Variants in KCNC1 observed in about 807,000 individuals in gnomAD.
KCNC1 encodes the protein voltage-gated potassium channel KCNC1.
A neutral mutation model predicts 43.4 loss-of-function variants in KCNC1; 8 were observed. That is an observed-to-expected ratio of 0.18 (90% CI 0.11 to 0.33). The LOEUF is 0.33. Ranked by LOEUF, KCNC1 falls within the 10% of genes least tolerant of loss-of-function variation. KCNC1 has a pLI of 1.00. For synonymous variants in KCNC1, 361 were observed against 360.5 expected (o/e 1.00, Z -0.01); for missense variants, 420 against 836.0 (o/e 0.50, Z 6.14).
intron 1 of KCNC1, among the ~76,000 whole-genome samples, chr11:17,756,520 AACACAC>A (rs3051818): frequency 0.064 from 9,234 of 143,912 alleles, 386 homozygotes; most frequent in Admixed American, 0.11. Context: ...CTTCCCTCCA[AACACAC>A]ACACACACAC....
At chr11:17,761,023 C>T (rs146755671) in intron 1 of KCNC1, among the ~76,000 whole-genome samples, 3 of 152,342 alleles carry the variant, frequency 2.0e-5, no homozygotes, top group Admixed American at 6.5e-5. Flanking sequence ...TGTCCTTTCC[C>T]TCCCGACACC....
rs1848848393 is a variant in KCNC1, at chr11:17,742,001, C to CCTTGTTTG, written c.570+5429_570+5430insCTTGTTTG. On this transcript the variant is annotated intron_variant, in intron 1 of 3. Transcript: ENST00000265969. The surrounding 1 kb of genome is among the most constrained non-coding windows in gnomAD (Gnocchi z 4.2). Reference sequence around the variant, plus strand: ...TGATTTCTAATAAAATGTTCATTAGCAGCCTTGTTTGATTTGGGCTCATCT... The same window carrying CCTTGTTTG: ...TGATTTCTAATAAAATGTTCATTAGCCTTGTTTGAGCCTTGTTTGATTTGGGCTCATCT... 6.6e-6 allele frequency among the ~76,000 whole-genome samples: 1 copy of CCTTGTTTG among 152,216 alleles called. No individual in the cohort carries two copies. Among genetic ancestry groups the CCTTGTTTG allele is most frequent in the African/African-American group, 2.4e-5 (1 of 41,448 alleles).
chr11:17,777,878 C>T lies in KCNC1; in HGVS notation c.1505-1578C>T. On this transcript the variant is annotated intron_variant, in intron 2 of 3. Coordinates refer to ENST00000265969, the MANE Select transcript of KCNC1 (RefSeq NM_001112741.2). The surrounding 1 kb of genome is among the most constrained non-coding windows in gnomAD (Gnocchi z 4.3). Reference sequence around the variant, plus strand: ...ATGATGTGTACACGGGCGGTAATCCCACCCACGTGCACGCCCAGCGTGTGC... The same window carrying T: ...ATGATGTGTACACGGGCGGTAATCCTACCCACGTGCACGCCCAGCGTGTGC... 2.0e-6 allele frequency: 2 copies of T among 985,170 alleles called. No homozygotes were observed. Among genetic ancestry groups the T allele is most frequent in the Non-Finnish European group, 2.4e-6 (2 of 829,054 alleles). The allele number at this position is 985,170 out of a possible 1,614,324, so 61.0% of individuals were successfully genotyped here.
chr11:17,773,487 G>A lies in KCNC1; in HGVS notation c.1504+889G>A, dbSNP rs561572155. The A allele has an allele frequency of 1.6e-5, 16 of 984,714 alleles. No individual in the cohort carries two copies. Among genetic ancestry groups the A allele is most frequent in the African/African-American group, 1.4e-4 (8 of 57,068 alleles). 61.0% of individuals were successfully genotyped at this position (984,714 alleles called of 1,614,324 possible). A position where few individuals can be genotyped will look rare whatever the true frequency, so the allele number is the denominator to read the frequency against. On this transcript the variant is annotated intron_variant, in intron 2 of 3. Coordinates refer to ENST00000265969, the MANE Select transcript of KCNC1 (RefSeq NM_001112741.2). This position sits in a 1 kb window ranked among gnomAD's most constrained non-coding sequence, Gnocchi z 4.1. ...ACCGAGGGTTCTCCCCGTTTCCAGC[G>A]GTAGGGACTGCAGCAGCAATATAGA...
Position 17,779,527 on chromosome 11 carries a change from C to A in KCNC1, c.1576C>A (p.Leu526Ile). 1 of 1,551,520 alleles carries A rather than the reference C, an allele frequency of 6.4e-7. No individual in the cohort carries two copies. Among genetic ancestry groups the A allele is most frequent in the Non-Finnish European group, 8.7e-7 (1 of 1,146,964 alleles). The part of the protein sequence containing the change: ...NEDCPHIDQA[L>I]TPDEGLPFTR... The stretch of plus-strand genomic sequence containing the variant: ...AGACTGCCCCCACATAGACCAGGCC[C>A]TCACTCCCGATGAGGGCCTGCCCTT... Residue 526 changes from leucine to isoleucine, a missense_variant, in exon 3 of 4, where the codon CTC (leucine) becomes ATC (isoleucine). By Grantham distance (5) the Leu-to-Ile change is conservative. This residue lies in a region of KCNC1 where 147 missense variants were observed against 176.1 expected (regional missense o/e 0.83). Coordinates refer to ENST00000265969, the MANE Select transcript of KCNC1 (RefSeq NM_001112741.2). This position sits in a 1 kb window ranked among gnomAD's most constrained non-coding sequence, Gnocchi z 7.2.
chr11:17,749,321 A>G (rs1012382323), intron 1 of KCNC1, among the ~76,000 whole-genome samples: 11 of 152,244 alleles, frequency 7.2e-5, no homozygotes, highest in African/African-American at 1.9e-4. Context: ...CAGATAAGGC[A>G]TCTTTGTGGG....
At chr11:17,753,745 G>A (rs899221813) in intron 1 of KCNC1, among the ~76,000 whole-genome samples, 4 of 152,218 alleles carry the variant, frequency 2.6e-5, no homozygotes, top group Non-Finnish European at 5.9e-5. Flanking sequence ...CACACAGCCT[G>A]AGTCTCTCCT....
At position 17,773,405 on chromosome 11, in the gene KCNC1, G is replaced by A. The variant is rs1362989953; in HGVS notation, c.1504+807G>A. ...GCGGCTGCCGAGCAAAAGACTAGAG[G>A]GGGCCACCACCCTGGGCAGCTTAGA... On this transcript the variant is annotated intron_variant, in intron 2 of 3. Coordinates refer to ENST00000265969, the MANE Select transcript of KCNC1 (RefSeq NM_001112741.2). The surrounding 1 kb of genome is among the most constrained non-coding windows in gnomAD (Gnocchi z 4.1). 1 of 985,242 alleles carries A rather than the reference G, an allele frequency of 1.0e-6. No individual in the cohort carries two copies. Among genetic ancestry groups the A allele is most frequent in the Non-Finnish European group, 1.2e-6 (1 of 829,958 alleles). The allele number at this position is 985,242 out of a possible 1,614,324, so 61.0% of individuals were successfully genotyped here.
intron 1 of KCNC1, among the ~76,000 whole-genome samples, chr11:17,744,771 G>C (rs750471966): frequency 6.6e-6 from 1 of 152,058 alleles, no homozygotes; most frequent in African/African-American, 2.4e-5. Flanking sequence ...GGGTGTTTGC[G>C]ATGGCTGCTA....
At chr11:17,744,611 G>C (rs571974322) in intron 1 of KCNC1, among the ~76,000 whole-genome samples, 16 of 152,284 alleles carry the variant, frequency 1.1e-4, no homozygotes, top group African/African-American at 3.6e-4. Flanking sequence ...CCTGCCCTTA[G>C]GGAGCTGCAG....
At chr11:17,755,959 G>C (rs201182727) in intron 1 of KCNC1, among the ~76,000 whole-genome samples, 2 of 152,304 alleles carry the variant, frequency 1.3e-5, no homozygotes, top group East Asian at 3.9e-4. Flanking sequence ...GGGGAGAAGA[G>C]TTGGCAAAGG....
chr11:17,745,961 T>C (rs1007166272), intron 1 of KCNC1, among the ~76,000 whole-genome samples: 3 of 152,236 alleles, frequency 2.0e-5, no homozygotes, highest in Admixed American at 1.3e-4. Context: ...GTACAGTCCA[T>C]GAGGGCAGGG....
intron 1 of KCNC1, among the ~76,000 whole-genome samples, chr11:17,744,452 T>C (rs1425314625): frequency 1.3e-5 from 2 of 152,202 alleles, no homozygotes; most frequent in Non-Finnish European, 2.9e-5. Context: ...CACTCATTCA[T>C]TCAAGGCATA....
intron 1 of KCNC1, among the ~76,000 whole-genome samples, chr11:17,752,538 T>C (rs1325104329): frequency 6.6e-6 from 1 of 152,256 alleles, no homozygotes. Context: ...ACTCATGGCC[T>C]TGCACACACA....
chr11:17,743,669 G>T (rs1848866259), intron 1 of KCNC1, among the ~76,000 whole-genome samples: 1 of 152,204 alleles, frequency 6.6e-6, no homozygotes, highest in Admixed American at 6.5e-5. Context: ...CCCTCAGCTC[G>T]GCACTCCAAG....
chr11:17,745,252 G>C (rs963453629), intron 1 of KCNC1, among the ~76,000 whole-genome samples: 2 of 152,138 alleles, frequency 1.3e-5, no homozygotes, highest in African/African-American at 4.8e-5. Flanking sequence ...TGAGGCTGAG[G>C]CTTCGATGGC....
At chr11:17,755,949 G>T (rs939957496) in intron 1 of KCNC1, among the ~76,000 whole-genome samples, 4 of 152,154 alleles carry the variant, frequency 2.6e-5, no homozygotes, top group African/African-American at 4.8e-5. Flanking sequence ...GATAGAGACT[G>T]GGGAGAAGAG....
intron 1 of KCNC1, among the ~76,000 whole-genome samples, chr11:17,766,608 T>C (rs73424021): frequency 0.014 from 2,132 of 152,270 alleles, 26 homozygotes; most frequent in African/African-American, 0.027. Flanking sequence ...GCTGCTCTTA[T>C]TCCAGTTGCT....
chr11:17,779,891 T>G lies in KCNC1; in HGVS notation c.1693+247T>G. ...GGGTTGCTGGGAGTTGAGAGGGGAT[T>G]GGACAGGTTGACTTTAGGCCATGAC... On this transcript the variant is annotated intron_variant, in intron 3 of 3. Transcript: ENST00000265969. This position sits in a 1 kb window ranked among gnomAD's most constrained non-coding sequence, Gnocchi z 7.2. 2.8e-6 allele frequency: 1 copy of G among 363,486 alleles called. No homozygotes were observed. The highest frequency in any genetic ancestry group is 2.1e-5 in the African/African-American group (1 of 47,876). 22.5% of individuals were successfully genotyped at this position (363,486 alleles called of 1,614,324 possible).
Sources: gnomAD v4.1 joint callset for allele counts (sites outside exome capture counted in the v4.1 genomes callset) on GRCh38, gnomAD v4.1.1 for gene constraint, gnomAD v4.1.1 regional missense constraint, Gnocchi (gnomAD v3.1) non-coding constraint, MANE v1.5 for transcripts, NCBI Gene and HGNC (gene_info 2026-07-23, HGNC 2026-07-21) for gene names.